LIN7A: variants seen among roughly 807,000 people sequenced by gnomAD.
LIN7A encodes the protein protein lin-7 homolog A.
In LIN7A, 25 loss-of-function variants were observed where a neutral mutation model predicts 29.8. That is an observed-to-expected ratio of 0.84 (90% CI 0.61 to 1.17). The LOEUF (loss-of-function observed/expected upper bound fraction) is 1.17, where lower values mean the gene tolerates loss of function less well. Among genes scored for constraint, LIN7A ranks in the 50% most tolerant of loss-of-function variants. The pLI is 0.00. For missense variants in LIN7A, 239 were observed against 287.0 expected (o/e 0.83, Z 1.21); for synonymous variants, 118 against 107.5 (o/e 1.10, Z -0.60).
intron 1 of LIN7A, among the ~76,000 whole-genome samples, chr12:80,912,890 T>C (rs1876837730): frequency 6.6e-6 from 1 of 152,178 alleles, no homozygotes; most frequent in East Asian, 1.9e-4. Context: ...TTTTAGAAAT[T>C]CTAAAACATT....
chr12:80,822,369 C>A (rs1015046054), intron 4 of LIN7A, among the ~76,000 whole-genome samples: 1 of 152,098 alleles, frequency 6.6e-6, no homozygotes, highest in Non-Finnish European at 1.5e-5. Context: ...ACCAGACTGG[C>A]CAACATGGTG....
chr12:80,891,811 C>T (rs886139026), intron 1 of LIN7A, among the ~76,000 whole-genome samples: 3 of 152,012 alleles, frequency 2.0e-5, no homozygotes, highest in African/African-American at 7.3e-5. Context: ...GAAGAATGTT[C>T]AAGACAAAGG....
intron 2 of LIN7A, chr12:80,861,147 G>C (rs1374176494): frequency 1.3e-5 from 2 of 153,016 alleles, no homozygotes; most frequent in Non-Finnish European, 2.9e-5. Flanking sequence ...TGGTCAGAGG[G>C]CTGAGTACAC....
At chr12:80,851,905 A>G (rs924930422) in intron 2 of LIN7A, among the ~76,000 whole-genome samples, 1 of 152,150 alleles carries the variant, frequency 6.6e-6, no homozygotes, top group African/African-American at 2.4e-5. Context: ...AGCATTTTGC[A>G]TGTTTAGAAC....
At position 80,845,731 on chromosome 12, in the gene LIN7A, A is replaced by G; in HGVS notation, c.482T>C (p.Val161Ala). Residue 161 changes from valine to alanine, a missense_variant and splice_region_variant, in exon 4 of 6, where the codon GTG (valine) becomes GCG (alanine). Physicochemically the swap from Val to Ala is moderately conservative, Grantham distance 64. Transcript: ENST00000552864. ...TCTCTGGTTATTTTATAAACATACC[A>G]CTCCGTTCACTGATAGCAGCTGGTC... is the stretch of plus-strand genomic sequence containing the variant. ...RGDQLLSVNG[V>A]SVEGEHHEKA... is the part of the protein sequence containing the mutation. 1 of 1,611,690 alleles carries G rather than the reference A, an allele frequency of 6.2e-7. No individual in the cohort carries two copies. Among genetic ancestry groups the G allele is most frequent in the South Asian group, 1.1e-5 (1 of 90,674 alleles).
Position 80,795,917 on chromosome 12 carries a change from C to G in LIN7A, c.*1810G>C, listed in dbSNP as rs1870424938. 1 of 152,214 alleles carries G rather than the reference C, an allele frequency of 6.6e-6. No homozygotes were observed. The highest frequency in any genetic ancestry group is 2.1e-4 in the South Asian group (1 of 4,822). 9.4% of individuals were successfully genotyped at this position (152,214 alleles called of 1,614,324 possible). ...CCCCACCTCACCACCCCCGTTCTCT[C>G]TAGTAAAAAATGATATGTATTCAAG... is the stretch of plus-strand genomic sequence containing the variant. On this transcript the variant is annotated 3_prime_UTR_variant, in exon 6 of 6. Coordinates refer to ENST00000552864, the MANE Select transcript of LIN7A (RefSeq NM_004664.4).
chr12:80,815,235 G>A (rs1397224492), intron 4 of LIN7A, among the ~76,000 whole-genome samples: 1 of 152,006 alleles, frequency 6.6e-6, no homozygotes, highest in South Asian at 2.1e-4. Context: ...GTATAACTTT[G>A]TAATAAGAAT....
chr12:80,854,696 T>C (rs886969897), intron 2 of LIN7A, among the ~76,000 whole-genome samples: 1 of 152,104 alleles, frequency 6.6e-6, no homozygotes, highest in Non-Finnish European at 1.5e-5. Context: ...TGATTGTATG[T>C]GATTATTACA....
At chr12:80,888,842 A>C (rs1379381966) in intron 2 of LIN7A, among the ~76,000 whole-genome samples, 2 of 152,146 alleles carry the variant, frequency 1.3e-5, no homozygotes, top group African/African-American at 4.8e-5. Flanking sequence ...CTTAGACAGT[A>C]ATGTTTAGTC....
Position 80,794,707 on chromosome 12 carries a change from CTG to C in LIN7A, c.*3018_*3019del, listed in dbSNP as rs1363467961. On this transcript the variant is annotated 3_prime_UTR_variant, in exon 6 of 6. Transcript: ENST00000552864. ...TAGATCTAAGTATTGTCTTAAAAGA[CTG>C]TGATTGTTCACATAACTGGAGAATT... 2 of 152,124 alleles carry C rather than the reference CTG, an allele frequency of 1.3e-5. No individual in the cohort carries two copies. Among genetic ancestry groups the C allele is most frequent in the East Asian group, 1.9e-4 (1 of 5,188 alleles). 9.4% of individuals were successfully genotyped at this position (152,124 alleles called of 1,614,324 possible). A position where few individuals can be genotyped will look rare whatever the true frequency, so the allele number is the denominator to read the frequency against.
chr12:80,901,560 A>G (rs1876215117), intron 1 of LIN7A, among the ~76,000 whole-genome samples: 1 of 152,030 alleles, frequency 6.6e-6, no homozygotes, highest in Admixed American at 6.5e-5. Context: ...TGTAATTATT[A>G]TCAGTAAATC....
At chr12:80,897,342 C>G (rs78344929) in intron 1 of LIN7A, among the ~76,000 whole-genome samples, 1 of 151,968 alleles carries the variant, frequency 6.6e-6, no homozygotes, top group South Asian at 2.1e-4. Context: ...ATTCCTAATC[C>G]CAGTGAAATT....
chr12:80,804,454 A>G (rs1870874659), intron 5 of LIN7A, among the ~76,000 whole-genome samples: 1 of 152,098 alleles, frequency 6.6e-6, no homozygotes, highest in African/African-American at 2.4e-5. Context: ...GTTCCCACAA[A>G]TAAGTGAGAA....
At chr12:80,852,599 A>C (rs1873387035) in intron 2 of LIN7A, among the ~76,000 whole-genome samples, 1 of 152,162 alleles carries the variant, frequency 6.6e-6, no homozygotes, top group South Asian at 2.1e-4. Context: ...TTACTATTAT[A>C]TATATATACA....
intron 5 of LIN7A, among the ~76,000 whole-genome samples, chr12:80,804,072 AT>A (rs1037523401): frequency 2.0e-5 from 3 of 152,006 alleles, no homozygotes; most frequent in Non-Finnish European, 4.4e-5. Flanking sequence ...TTATTTTTAA[AT>A]TTTTTTAATT....
At chr12:80,844,396 A>G (rs1415697817) in intron 4 of LIN7A, among the ~76,000 whole-genome samples, 1 of 152,218 alleles carries the variant, frequency 6.6e-6, no homozygotes, top group Non-Finnish European at 1.5e-5. Context: ...TGAAACTACT[A>G]GTCAGTCTAA....
rs1870467487 is a variant in LIN7A, at chr12:80,796,741, T to C, written c.*986A>G. 1 of 152,198 alleles carries C rather than the reference T, an allele frequency of 6.6e-6. No homozygotes were observed. The highest frequency in any genetic ancestry group is 6.5e-5 in the Admixed American group (1 of 15,268). 9.4% of individuals were successfully genotyped at this position (152,198 alleles called of 1,614,324 possible). A position where few individuals can be genotyped will look rare whatever the true frequency, so the allele number is the denominator to read the frequency against. ...TTTAGTTTTGCTAAGCTTTAAAATA[T>C]GAAATAGGCTTCTATGACAGCACAT... On this transcript the variant is annotated 3_prime_UTR_variant, in exon 6 of 6. Coordinates refer to ENST00000552864, the MANE Select transcript of LIN7A (RefSeq NM_004664.4).
chr12:80,894,459 CTCACACTTTCA>C (rs1392046613), intron 1 of LIN7A, among the ~76,000 whole-genome samples: 2 of 152,208 alleles, frequency 1.3e-5, no homozygotes, highest in African/African-American at 2.4e-5. Context: ...CTCACACTCC[CTCACACTTTCA>C]TCACACTTCT....
intron 2 of LIN7A, among the ~76,000 whole-genome samples, chr12:80,852,750 A>T (rs552976066): frequency 7.2e-5 from 11 of 152,088 alleles, no homozygotes; most frequent in Admixed American, 6.6e-5. Flanking sequence ...TTGTATTTTG[A>T]TGTTATTTAA....
Sources: allele counts gnomAD v4.1 joint callset (sites outside exome capture counted in the v4.1 genomes callset), GRCh38; gene constraint gnomAD v4.1.1; transcripts MANE v1.5; gene names NCBI Gene and HGNC (gene_info 2026-07-23, HGNC 2026-07-21).